The following TTN variants were observed in gnomAD, a reference collection of about 807,000 sequenced individuals.
TTN encodes the protein connectin.
Under a neutral mutation model 3,223.0 loss-of-function variants are expected in TTN, and 1,525 were observed. That is an observed-to-expected ratio of 0.47 (90% CI 0.45 to 0.49). The LOEUF (loss-of-function observed/expected upper bound fraction) is 0.49. Among genes scored for constraint, TTN ranks in the 20% least tolerant of loss-of-function variants. TTN has a pLI of 0.00. For missense variants in TTN, 40,786 were observed against 43,424.0 expected, an observed-to-expected ratio of 0.94 and a Z score of 5.40; for synonymous variants, 14,094 against 15,161.0, an observed-to-expected ratio of 0.93 and a Z score of 5.17.
chr2:178,671,560 G>A (rs2066975868), intron 155 of TTN, among the ~76,000 whole-genome samples: 1 of 151,728 alleles, frequency 6.6e-6, no homozygotes, highest in Non-Finnish European at 1.5e-5. Flanking sequence ...CTTTTGGTAA[G>A]TATTTCTCAG....
Position 178,618,703 on chromosome 2 carries a change from G to C in TTN, c.46847C>G (p.Thr15616Arg), listed in dbSNP as rs368057764. Residue 15616 changes from threonine to arginine, a missense_variant, in exon 251 of 363, where the codon ACG becomes AGG. By Grantham distance (71) the Thr-to-Arg change is moderately conservative. Coordinates refer to ENST00000589042, the MANE Select transcript of TTN (RefSeq NM_001267550.2). ...AATTCTGAAAGAAGTTTGTTCAGCC[G>C]TAGTATCAATGGTTTTTGTAGATAA... Reference protein sequence around the residue: ...EPLSTKTIDTTAEQTSFRILE... With the variant: ...EPLSTKTIDTRAEQTSFRILE... The C allele has an allele frequency of 6.2e-7, 1 of 1,611,946 alleles. No individual in the cohort carries two copies. The highest frequency in any genetic ancestry group is 8.5e-7 in the Non-Finnish European group (1 of 1,178,912).
chr2:178,781,837 T>C (rs1217881741), intron 20 of TTN, among the ~76,000 whole-genome samples: 1 of 152,168 alleles, frequency 6.6e-6, no homozygotes, highest in Non-Finnish European at 1.5e-5. Context: ...TACATGGCTA[T>C]TCTTCTATCT....
intron 219 of TTN, 90 bp from the exon 220 acceptor site, chr2:178,641,405 A>G: frequency 1.3e-6 from 1 of 790,972 alleles, no homozygotes; most frequent in Non-Finnish European, 2.0e-6. Flanking sequence ...GTACAAAGCA[A>G]GGAAAATGAA....
In TTN at chr2:178,719,282, C is replaced by T. The variant is rs752974196; in HGVS notation, c.24108G>A (p.Ser8036=). The change falls in exon 83 of 363, where the codon TCG becomes TCA. Residue 8036 remains serine, a synonymous_variant. Transcript: ENST00000589042. The part of the protein sequence containing the change: ...VSGPKCQSSF[S]ENVCTLNLSL... ...TCAGATTCAAAGTACAGACGTTTTC[C>T]GAAAAGCTGGACTGACATTTGGGCC... 85 of 1,613,734 alleles carry T rather than the reference C, an allele frequency of 5.3e-5. No homozygotes were observed. Among genetic ancestry groups the T allele is most frequent in the Admixed American group, 1.5e-4 (9 of 60,006 alleles).
chr2:178,731,699 A>T lies in TTN; in HGVS notation c.17176T>A (p.Leu5726Ile). The T allele has an allele frequency of 6.2e-7, 1 of 1,609,212 alleles. No homozygotes were observed. ...CACTGGAACCAACACTAACCTCTTA[A>T]AGTCACCCTGGCACTGCAGATGCTG... is the stretch of plus-strand genomic sequence containing the variant. ...GSSICSARVTLREPPSFIKKI... is the reference protein window; with the variant it reads ...GSSICSARVTIREPPSFIKKI... Residue 5726 changes from leucine to isoleucine, a missense_variant, in exon 58 of 363, where the codon TTA becomes ATA. Transcript: ENST00000589042.
Position 178,641,389 on chromosome 2 carries a change from AAT to A in TTN, c.40559-76_40559-75del, listed in dbSNP as rs1478723330. On this transcript the variant is annotated intron_variant, in intron 219 of 362. Coordinates refer to ENST00000589042, the MANE Select transcript of TTN (RefSeq NM_001267550.2). ...ATGTTGAATAAGCTTGACAAATGCAAATAATGTACAAAGCAAGGAAAATGAAA... is the reference window on the plus strand; with the variant it reads ...ATGTTGAATAAGCTTGACAAATGCAAAATGTACAAAGCAAGGAAAATGAAA... The A allele has an allele frequency of 8.0e-6, 7 of 872,532 alleles. No individual in the cohort carries two copies. In the African/African-American group the frequency reaches 1.3e-4, roughly 16 times the overall value. The allele number at this position is 872,532 out of a possible 1,614,324, so 54.0% of individuals were successfully genotyped here.
rs1313832139 is a variant in TTN, at chr2:178,619,743, T to C, written c.46574A>G (p.His15525Arg). 1.2e-6 allele frequency: 2 copies of C among 1,612,340 alleles called. No homozygotes were observed. Among genetic ancestry groups the C allele is most frequent in the East Asian group, 2.2e-5 (1 of 44,770 alleles). ...TATCTTTCCTTCACTCATCATCTGG[T>C]GTTTATCACCCTGGACAACAACCAT... ...NNMVVVQGDK[H>R]QMMSEGKIHR... The change falls in exon 250 of 363, where the codon CAC (histidine) becomes CGC (arginine). Residue 15525 changes from histidine to arginine, a missense_variant. Coordinates refer to ENST00000589042, the MANE Select transcript of TTN (RefSeq NM_001267550.2).
Position 178,597,996 on chromosome 2 carries a change from G to GAATGCTCCT in TTN, c.57165_57173dup (p.Ala19057_Phe19058insLeuGlyAla). 6.2e-7 allele frequency: 1 copy of GAATGCTCCT among 1,613,314 alleles called. No homozygotes were observed. Among genetic ancestry groups the GAATGCTCCT allele is most frequent in the Non-Finnish European group, 8.5e-7 (1 of 1,179,550 alleles). Reference sequence around the variant, plus strand: ...TGACTGCTCTAACTCTAAATTTGTAGAATGCTCCTTCCTTTAATCCTGTCA... The same window carrying GAATGCTCCT: ...TGACTGCTCTAACTCTAAATTTGTAGAATGCTCCTAATGCTCCTTCCTTTAATCCTGTCA... On this transcript the variant is annotated inframe_insertion, in exon 293 of 363. Coordinates refer to ENST00000589042, the MANE Select transcript of TTN (RefSeq NM_001267550.2).
Position 178,530,294 on chromosome 2 carries a change from C to A in TTN, c.106321G>T (p.Val35441Phe). The change falls in exon 358 of 363, where the codon GTT becomes TTT. Residue 35441 changes from valine to phenylalanine, a missense_variant. Transcript: ENST00000589042. ...VSSDSVAKFA[V>F]KATGEPRPTA... Reference sequence around the variant, plus strand: ...GGCCGGGGTTCTCCAGTAGCCTTAACTGCAAATTTAGCAACACTGTCTGAA... The same window carrying A: ...GGCCGGGGTTCTCCAGTAGCCTTAAATGCAAATTTAGCAACACTGTCTGAA... The A allele has an allele frequency of 6.2e-7, 1 of 1,613,314 alleles. No homozygotes were observed.
intron 47 of TTN, chr2:178,750,072 C>A: frequency 6.2e-7 from 1 of 1,613,176 alleles, no homozygotes; most frequent in South Asian, 1.1e-5. Flanking sequence ...ATAGGAGTAG[C>A]TGCTGTTACC....
In TTN at chr2:178,558,020, C is replaced by A. The variant is rs895853838; in HGVS notation, c.87334G>T (p.Ala29112Ser). 1 of 1,613,874 alleles carries A rather than the reference C, an allele frequency of 6.2e-7. No homozygotes were observed. The highest frequency in any genetic ancestry group is 1.7e-5 in the Admixed American group (1 of 60,020). The stretch of plus-strand genomic sequence containing the variant: ...GCAGCAGTGATTTCATATCTCCCAG[C>A]GTCAGCTGTAACACTTTCTTTGAGA... ...INLKESVTAD[A>S]GRYEITAANS... Residue 29112 changes from alanine (A) to serine (S), a missense_variant, in exon 328 of 363, where the codon GCT becomes TCT. Ala to Ser is a moderately conservative substitution (Grantham distance 99). Transcript: ENST00000589042.
intron 43 of TTN, among the ~76,000 whole-genome samples, chr2:178,760,768 C>T (rs2088877341): frequency 6.6e-6 from 1 of 151,946 alleles, no homozygotes; most frequent in South Asian, 2.1e-4. Flanking sequence ...ATGGAAGCAA[C>T]GTTGTCTTCA....
At position 178,734,774 on chromosome 2, in the gene TTN, C is replaced by G. The variant is rs561295343; in HGVS notation, c.15150G>C (p.Gly5050=). 6.2e-7 allele frequency: 1 copy of G among 1,613,710 alleles called. No homozygotes were observed. Among genetic ancestry groups the G allele is most frequent in the Non-Finnish European group, 8.5e-7 (1 of 1,179,772 alleles). The change falls in exon 51 of 363, where the codon GGG becomes GGC. Residue 5050 remains glycine (G), a synonymous_variant. Transcript: ENST00000589042. ...DITDVKVEDS[G]SYSCEAVNDV... ...CATTCACTGCTTCACATGAGTAACT[C>G]CCACTGTCTTCAACTTTTACATCCG...
At position 178,598,728 on chromosome 2, in the gene TTN, G is replaced by T; in HGVS notation, c.56962+20C>A. ...TTTGGAAAATAAGATTTAAAAAAAA[G>T]GAATGGTTTCCAGGCTTACCAATTG... is the stretch of plus-strand genomic sequence containing the variant. On this transcript the variant is annotated intron_variant, in intron 291 of 362. Transcript: ENST00000589042. The T allele has an allele frequency of 6.2e-7, 1 of 1,602,722 alleles. No individual in the cohort carries two copies. The highest frequency in any genetic ancestry group is 8.5e-7 in the Non-Finnish European group (1 of 1,176,420).
intron 150 of TTN, 92 bp downstream of exon 150, chr2:178,674,947 T>C: frequency 1.5e-6 from 1 of 646,952 alleles, no homozygotes; most frequent in Non-Finnish European, 2.4e-6. Flanking sequence ...GTTGATTTCC[T>C]GGGGTAAATT....
chr2:178,680,480 C>G, intron 138 of TTN, 149 bp from the exon 139 acceptor site: 1 of 696,824 alleles, frequency 1.4e-6, no homozygotes, highest in Non-Finnish European at 2.4e-6. Context: ...ACTATATACT[C>G]TCTGTGGAAA....
intron 130 of TTN, 64 bp from the exon 131 acceptor site, chr2:178,684,813 T>A: frequency 6.4e-7 from 1 of 1,564,442 alleles, no homozygotes; most frequent in Non-Finnish European, 8.7e-7. Flanking sequence ...ACAGGCACAC[T>A]TATTTTCTGG....
At position 178,534,898 on chromosome 2, in the gene TTN, G is replaced by A. The variant is rs776487376; in HGVS notation, c.101717C>T (p.Thr33906Ile). 6.2e-7 allele frequency: 1 copy of A among 1,609,526 alleles called. No homozygotes were observed. Among genetic ancestry groups the A allele is most frequent in the East Asian group, 2.2e-5 (1 of 44,870 alleles). The change falls in exon 358 of 363, where the codon ACA becomes ATA. Residue 33906 changes from threonine to isoleucine, a missense_variant. Transcript: ENST00000589042. ...TCTTTCATTAAGTTCAAAAGCACTTGTGTTAATGCGCTCAAATATGTCAAG... is the reference window on the plus strand; with the variant it reads ...TCTTTCATTAAGTTCAAAAGCACTTATGTTAATGCGCTCAAATATGTCAAG... ...SGLDIFERIN[T>I]SAFELNEREI... is the part of the protein sequence containing the mutation.
intron 138 of TTN, 39 bp downstream of exon 138, chr2:178,681,040 A>G (rs772377543): frequency 2.7e-6 from 4 of 1,483,360 alleles, no homozygotes; most frequent in African/African-American, 1.4e-5. Flanking sequence ...CAAAAGAGGC[A>G]TCAGAAAAGA....
Sources: allele counts gnomAD v4.1 joint callset (sites outside exome capture counted in the v4.1 genomes callset), GRCh38; gene constraint gnomAD v4.1.1; transcripts MANE v1.5; gene names NCBI Gene and HGNC (gene_info 2026-07-23, HGNC 2026-07-21).